The following PVT1 variants were observed in gnomAD, a reference collection of about 807,000 sequenced individuals.
The protein encoded by PVT1 is Pvt1 oncogene.
chr8:128,098,431 T>A (rs536227929), intron 6 of PVT1, among the ~76,000 whole-genome samples: 1 of 152,170 alleles, frequency 6.6e-6, no homozygotes, highest in East Asian at 1.9e-4. Flanking sequence ...GCTTTTCAAG[T>A]CACCCTTGTC....
At chr8:127,938,696 C>G (rs772754740) in intron 3 of PVT1, among the ~76,000 whole-genome samples, 1 of 152,130 alleles carries the variant, frequency 6.6e-6, no homozygotes, top group Non-Finnish European at 1.5e-5. Context: ...AAGAGAAAGG[C>G]TGAAGTGTCC....
Position 127,817,528 on chromosome 8 carries a change from A to AAT in PVT1, n.372+21475_372+21476dup, listed in dbSNP as rs36101639. On this transcript the variant is annotated intron_variant and non_coding_transcript_variant, in intron 2 of 10. Transcript: ENST00000651587. ...ATATTTAAATAGATATATCTATTTA[A>AAT]ATATATATATATATATATACACACA... is the stretch of plus-strand genomic sequence containing the variant. Among the ~76,000 whole-genome samples, 249 of 68,680 alleles carry AAT rather than the reference A, an allele frequency of 3.6e-3. 10 individuals are homozygous for AAT. The highest frequency in any genetic ancestry group is 0.012 in the African/African-American group (233 of 19,146). 45.1% of individuals were successfully genotyped at this position (68,680 alleles called of 152,430 possible).
At chr8:128,010,393 A>G (rs1029711054) in intron 4 of PVT1, 2 of 152,188 alleles carry the variant, frequency 1.3e-5, no homozygotes, top group African/African-American at 4.8e-5. Context: ...CTTCTTCGCC[A>G]AATTAAAGTT....
At chr8:128,033,871 A>G (rs1813428105) in intron 4 of PVT1, among the ~76,000 whole-genome samples, 1 of 152,134 alleles carries the variant, frequency 6.6e-6, no homozygotes, top group African/African-American at 2.4e-5. Context: ...CCTTAGGAAT[A>G]CTTTTCTTCA....
intron 3 of PVT1, among the ~76,000 whole-genome samples, chr8:127,939,067 G>T (rs1206125710): frequency 6.6e-6 from 1 of 152,204 alleles, no homozygotes; most frequent in Admixed American, 6.5e-5. Context: ...ATGGGGATTG[G>T]ACCAAGGGGT....
chr8:128,000,796 A>G (rs183577517), intron 4 of PVT1, among the ~76,000 whole-genome samples: 1 of 152,202 alleles, frequency 6.6e-6, no homozygotes, highest in Admixed American at 6.5e-5. Flanking sequence ...ACTATCAGAG[A>G]TGACAGCCCA....
intron 4 of PVT1, among the ~76,000 whole-genome samples, chr8:127,998,552 TC>T (rs1461152325): frequency 1.3e-5 from 2 of 151,360 alleles, no homozygotes; most frequent in East Asian, 3.9e-4. Context: ...TCTCTCTCTC[TC>T]TCTCTTCCTT....
intron 2 of PVT1, among the ~76,000 whole-genome samples, chr8:127,859,975 C>T (rs1586410340): frequency 6.6e-6 from 1 of 152,006 alleles, no homozygotes; most frequent in Non-Finnish European, 1.5e-5. Context: ...TGTGGTGAGC[C>T]CCAGGAATAA....
At chr8:127,805,538 A>G (rs1814516906) in intron 2 of PVT1, among the ~76,000 whole-genome samples, 2 of 152,190 alleles carry the variant, frequency 1.3e-5, no homozygotes, top group Admixed American at 6.6e-5. Context: ...TGTCATTAAC[A>G]TGTATGTACA....
rs566072725 is a variant in PVT1 at position 128,041,009 on chromosome 8, TTCTG to T, written n.913-29149_913-29146del. ...CTTGTGTGTGTTTATGCTTTTGTGT[TTCTG>T]TGTGCTTTGTGCTCGTGTGTGTTGA... On this transcript the variant is annotated intron_variant and non_coding_transcript_variant, in intron 4 of 10. Transcript: ENST00000651587. Among the ~76,000 whole-genome samples the T allele has an allele frequency of 3.2e-3, 462 of 143,808 alleles. 4 individuals are homozygous for T. Among genetic ancestry groups the T allele is most frequent in the African/African-American group, 0.012 (455 of 39,086 alleles). The allele number at this position is 143,808 out of a possible 152,430, so 94.3% of individuals were successfully genotyped here. A position where few individuals can be genotyped will look rare whatever the true frequency, so the allele number is the denominator to read the frequency against.
intron 3 of PVT1, among the ~76,000 whole-genome samples, chr8:127,953,060 G>A (rs905986917): frequency 2.0e-5 from 3 of 152,174 alleles, no homozygotes; most frequent in African/African-American, 2.4e-5. Flanking sequence ...CACCGCGTCC[G>A]GCCCGTGCCT....
chr8:128,029,677 T>C (rs1255898345), intron 4 of PVT1, among the ~76,000 whole-genome samples: 2 of 152,076 alleles, frequency 1.3e-5, no homozygotes, highest in African/African-American at 2.4e-5. Flanking sequence ...GCGCTAACCT[T>C]AGTCCCAGCT....
chr8:128,034,930 C>T (rs1813443255), intron 4 of PVT1, among the ~76,000 whole-genome samples: 1 of 152,184 alleles, frequency 6.6e-6, no homozygotes, highest in Non-Finnish European at 1.5e-5. Context: ...GAAACACTTG[C>T]TTTGCCTGAT....
At chr8:127,981,454 G>A (rs1226642831) in intron 3 of PVT1, among the ~76,000 whole-genome samples, 1 of 152,202 alleles carries the variant, frequency 6.6e-6, no homozygotes, top group Non-Finnish European at 1.5e-5. Flanking sequence ...ATCTGCACAA[G>A]TCACCCAAGT....
intron 2 of PVT1, among the ~76,000 whole-genome samples, chr8:127,812,255 GC>G (rs1324832966): frequency 5.6e-5 from 7 of 124,644 alleles, no homozygotes; most frequent in Admixed American, 1.5e-4. Flanking sequence ...AGGCAGGAAG[GC>G]AGGAAGGCAG....
intron 2 of PVT1, among the ~76,000 whole-genome samples, chr8:127,823,649 C>A (rs1339074603): frequency 2.6e-5 from 4 of 152,128 alleles, no homozygotes; most frequent in Non-Finnish European, 5.9e-5. Flanking sequence ...GACCAGCATG[C>A]CCCCTCTTGC....
intron 2 of PVT1, among the ~76,000 whole-genome samples, chr8:127,861,667 AG>A (rs1334214942): frequency 6.6e-6 from 1 of 152,122 alleles, no homozygotes; most frequent in Non-Finnish European, 1.5e-5. Flanking sequence ...TGTACAGGAA[AG>A]GTACTCCATA....
intron 3 of PVT1, among the ~76,000 whole-genome samples, chr8:127,956,284 T>C (rs2129935843): frequency 1.3e-5 from 2 of 152,348 alleles, no homozygotes; most frequent in Non-Finnish European, 2.9e-5. Context: ...GAGAGGGGCC[T>C]GCCCCTCATC....
chr8:127,964,718 TTG>T (rs1816684788), intron 3 of PVT1, among the ~76,000 whole-genome samples: 1 of 152,218 alleles, frequency 6.6e-6, no homozygotes, highest in Admixed American at 6.5e-5. Flanking sequence ...ATCTCTGCTC[TTG>T]TCTCCACGTA....
Sources: gnomAD v4.1 joint callset for allele counts (sites outside exome capture counted in the v4.1 genomes callset) on GRCh38, gnomAD v4.1.1 for gene constraint, MANE v1.5 for transcripts, NCBI Gene and HGNC (gene_info 2026-07-23, HGNC 2026-07-21) for gene names.